Variants in SLC5A4 observed in about 807,000 individuals in gnomAD.
The protein encoded by SLC5A4 is solute carrier family 5 member 4.
SLC5A4 carries 55 observed loss-of-function variants against 70.3 expected under a neutral mutation model. The observed-to-expected ratio is 0.78, with a 90% CI of 0.63 to 0.98. The LOEUF is 0.98. Ranked by LOEUF, SLC5A4 falls within the 50% of genes least tolerant of loss-of-function variation. The pLI, the probability that SLC5A4 is intolerant of heterozygous loss-of-function variation, is 0.00. For synonymous variants in SLC5A4, 268 were observed against 305.7 expected, an observed-to-expected ratio of 0.88 and a Z score of 1.29; for missense variants, 735 against 839.2, an observed-to-expected ratio of 0.88 and a Z score of 1.53.
At chr22:32,331,101 GGAGGCTCTTGTGTGTGTTC>G in the SLC5A4 span, among the ~76,000 whole-genome samples, 8 of 134,180 alleles carry the variant, frequency 6.0e-5, no homozygotes, top group Non-Finnish European at 1.1e-4. Context: ...TGTGTGTGTT[GGAGGCTCTTGTGTGTGTTC>G]GAGGCTCTGG....
At chr22:32,343,318 T>C in the SLC5A4 span, among the ~76,000 whole-genome samples, 1 of 152,216 alleles carries the variant, frequency 6.6e-6, no homozygotes, top group Non-Finnish European at 1.5e-5. Context: ...ACTGCTAACC[T>C]GACAGAAAAG....
the SLC5A4 span, among the ~76,000 whole-genome samples, chr22:32,292,501 T>C: frequency 1.3e-5 from 2 of 150,986 alleles, no homozygotes; most frequent in East Asian, 1.9e-4. Context: ...CAGGGTGCTA[T>C]CTTAGAGGCA....
At chr22:32,260,269 G>T (rs1378767781), upstream of SLC5A4, among the ~76,000 whole-genome samples, 1 of 152,028 alleles carries the variant, frequency 6.6e-6, no homozygotes, top group African/African-American at 2.4e-5. Context: ...CAGAGGTGGG[G>T]GTGCTTACAT....
At chr22:32,334,047 CCA>C in the SLC5A4 span, among the ~76,000 whole-genome samples, 13,223 of 150,074 alleles carry the variant, frequency 0.088, 802 homozygotes, top group African/African-American at 0.18. Context: ...ACACACCATG[CCA>C]CAGACTCACA....
chr22:32,323,070 T>A, the SLC5A4 span, among the ~76,000 whole-genome samples: 1 of 152,198 alleles, frequency 6.6e-6, no homozygotes, highest in African/African-American at 2.4e-5. Flanking sequence ...TATAGTTCGA[T>A]TTGCTTAGAA....
chr22:32,278,974 C>T, the SLC5A4 span, among the ~76,000 whole-genome samples: 5 of 152,160 alleles, frequency 3.3e-5, no homozygotes, highest in African/African-American at 1.2e-4. Flanking sequence ...ATCAACATAT[C>T]ATTTAAAACT....
At chr22:32,270,462 G>A in the SLC5A4 span, 2 of 978,082 alleles carry the variant, frequency 2.0e-6, no homozygotes, top group Non-Finnish European at 3.2e-6. Context: ...ATCCCAAGGG[G>A]GAGGGCACGG....
chr22:32,292,396 A>T, the SLC5A4 span, among the ~76,000 whole-genome samples: 1 of 148,022 alleles, frequency 6.8e-6, no homozygotes, highest in Non-Finnish European at 1.5e-5. Context: ...TACTAGATAT[A>T]TATTTGTTTT....
the SLC5A4 span, among the ~76,000 whole-genome samples, chr22:32,312,383 ACACG>A: frequency 1.4e-5 from 2 of 141,416 alleles, no homozygotes; most frequent in Non-Finnish European, 3.1e-5. Context: ...ACACACACAC[ACACG>A]CACATTCAAT....
chr22:32,269,375 T>C, the SLC5A4 span: 6 of 427,904 alleles, frequency 1.4e-5, no homozygotes, highest in Non-Finnish European at 2.7e-5. This position sits in a 1 kb window ranked among gnomAD's most constrained non-coding sequence, Gnocchi z 4.1. Context: ...TGGCCTGTCC[T>C]GTAGAAGCTA....
intron 6 of SLC5A4, 80 bp from the exon 7 acceptor site, chr22:32,237,404 AC>A: frequency 2.2e-6 from 2 of 909,216 alleles, no homozygotes; most frequent in Non-Finnish European, 3.3e-6. Flanking sequence ...GTTCTCCTCC[AC>A]CCACAACCCT....
the SLC5A4 span, among the ~76,000 whole-genome samples, chr22:32,310,081 TGG>T: frequency 0.1 from 3,974 of 39,320 alleles, 167 homozygotes; most frequent in Admixed American, 0.31. Context: ...GGACGGGGGA[TGG>T]GGGGGGTGGC....
intron 5 of SLC5A4, among the ~76,000 whole-genome samples, chr22:32,246,598 G>A (rs770380744): frequency 3.3e-5 from 5 of 152,070 alleles, no homozygotes; most frequent in Non-Finnish European, 7.4e-5. Flanking sequence ...TGTGATCTTG[G>A]CTCACTGCAA....
At chr22:32,331,500 G>A in the SLC5A4 span, among the ~76,000 whole-genome samples, 4 of 152,104 alleles carry the variant, frequency 2.6e-5, no homozygotes, top group African/African-American at 4.8e-5. Context: ...TTTATAGGGC[G>A]CCGCATAATC....
the SLC5A4 span, among the ~76,000 whole-genome samples, chr22:32,284,451 G>A: frequency 1.3e-5 from 2 of 152,110 alleles, no homozygotes; most frequent in Admixed American, 1.3e-4. Context: ...ATGGCTGCAG[G>A]GTTCAACATT....
At chr22:32,266,506 T>C in the SLC5A4 span, among the ~76,000 whole-genome samples, 2 of 152,200 alleles carry the variant, frequency 1.3e-5, no homozygotes, top group South Asian at 4.1e-4. Flanking sequence ...TATTTACAAA[T>C]ACAGAGAGTA....
chr22:32,345,035 A>G, the SLC5A4 span, among the ~76,000 whole-genome samples: 529 of 152,324 alleles, frequency 3.5e-3, 1 homozygote, highest in African/African-American at 0.012. Context: ...ATACAAAATT[A>G]AAGAAATCCT....
At chr22:32,317,549 A>G in the SLC5A4 span, among the ~76,000 whole-genome samples, 7 of 152,050 alleles carry the variant, frequency 4.6e-5, no homozygotes, top group African/African-American at 1.7e-4. Flanking sequence ...TGCAACCTCA[A>G]ACTCCTGGGC....
At chr22:32,337,595 C>T in the SLC5A4 span, among the ~76,000 whole-genome samples, 2 of 152,108 alleles carry the variant, frequency 1.3e-5, no homozygotes, top group Non-Finnish European at 2.9e-5. Flanking sequence ...GTTCACAGAC[C>T]ACTGGAGCAA....
Sources: gnomAD v4.1 joint callset for allele counts (sites outside exome capture counted in the v4.1 genomes callset) on GRCh38, gnomAD v4.1.1 for gene constraint, Gnocchi (gnomAD v3.1) non-coding constraint, MANE v1.5 for transcripts, NCBI Gene and HGNC (gene_info 2026-07-23, HGNC 2026-07-21) for gene names.